CHRDL1: variants seen among roughly 807,000 people sequenced by gnomAD.
CHRDL1 encodes chordin like 1.
CHRDL1 carries 19 observed loss-of-function variants against 40.9 expected under a neutral mutation model. The ratio of observed to expected loss-of-function variants is 0.46; its 90% CI spans 0.32 to 0.68. CHRDL1 has a LOEUF of 0.68. CHRDL1 is among the 30% of genes least tolerant of loss of function. The pLI is 0.03. For synonymous variants in CHRDL1, 136 were observed against 123.4 expected (o/e 1.10, Z -0.68); for missense variants, 329 against 352.1 (o/e 0.93, Z 0.53).
intron 4 of CHRDL1, among the ~76,000 whole-genome samples, chrX:110,735,028 T>C (rs1011560421): frequency 1.1e-5 from 1 of 92,339 alleles, no homozygotes; most frequent in Admixed American, 1.0e-4. Context: ...GAGAACTAGA[T>C]TTTTTTTTGA....
intron 4 of CHRDL1, among the ~76,000 whole-genome samples, chrX:110,723,064 C>T (rs2070992323): frequency 1.8e-5 from 2 of 110,931 alleles, no homozygotes; most frequent in African/African-American, 6.6e-5. Context: ...TCCTGGCTAA[C>T]ACAGTGAAAC....
chrX:110,705,903 T>A (rs1157536326), intron 6 of CHRDL1, among the ~76,000 whole-genome samples: 2 of 110,376 alleles, frequency 1.8e-5, no homozygotes, highest in Non-Finnish European at 3.8e-5. Context: ...TTCAAAGTCA[T>A]CAAAATTGCA....
intron 6 of CHRDL1, among the ~76,000 whole-genome samples, chrX:110,704,820 C>G (rs948484571): frequency 1.9e-4 from 21 of 110,870 alleles, no homozygotes; most frequent in African/African-American, 6.6e-4. Context: ...AATGTAAAAG[C>G]TATATAATGT....
At chrX:110,775,743 T>C (rs1161627481) in intron 2 of CHRDL1, among the ~76,000 whole-genome samples, 1 of 111,453 alleles carries the variant, frequency 9.0e-6, no homozygotes, top group Non-Finnish European at 1.9e-5. Context: ...ATTGACCGTA[T>C]TTGCAATGAC....
chrX:110,783,661 G>A (rs973351302), intron 2 of CHRDL1, among the ~76,000 whole-genome samples: 1 of 111,769 alleles, frequency 8.9e-6, no homozygotes, highest in Non-Finnish European at 1.9e-5. Flanking sequence ...CAACTAACTT[G>A]TGAGATGGAC....
Position 110,674,023 on chromosome X carries a change from CT to C in CHRDL1, c.*2207del, listed in dbSNP as rs2069722227. On this transcript the variant is annotated 3_prime_UTR_variant, in exon 12 of 12. Coordinates refer to ENST00000372042, the MANE Select transcript of CHRDL1 (RefSeq NM_001143981.2). ...GTTAACTAGAAAATGGCTACAACTG[CT>C]AAATGATGCTTATGGTCTTTGTTGT... 8.9e-6 allele frequency: 1 copy of C among 112,178 alleles called. No individual in the cohort carries two copies. 9.2% of individuals were successfully genotyped at this position (112,178 alleles called of 1,213,427 possible).
At position 110,788,347 on chromosome X, in the gene CHRDL1, C is replaced by T. The variant is rs2090047861; in HGVS notation, c.94+3741G>A. Among the ~76,000 whole-genome samples, 3 of 111,975 alleles carry T rather than the reference C, an allele frequency of 2.7e-5. No homozygotes were observed. The South Asian group carries it at 1.1e-3, about 42-fold the overall frequency. On this transcript the variant is annotated intron_variant, in intron 2 of 11. Coordinates refer to ENST00000372042, the MANE Select transcript of CHRDL1 (RefSeq NM_001143981.2). The stretch of plus-strand genomic sequence containing the variant: ...CCACAAACAAAGCGTTTTTTCCACA[C>T]CTCTTCAGATTTCTGAATCAATTGA...
chrX:110,737,582 C>T (rs1474826742), intron 4 of CHRDL1, among the ~76,000 whole-genome samples: 1 of 111,977 alleles, frequency 8.9e-6, no homozygotes, highest in Non-Finnish European at 1.9e-5. Context: ...TTATTCAGAA[C>T]CTTCAATAAT....
chrX:110,758,107 ACAAAAAACAAAAAAC>A (rs2089486727), intron 4 of CHRDL1, among the ~76,000 whole-genome samples: 2 of 105,984 alleles, frequency 1.9e-5, no homozygotes, highest in Non-Finnish European at 3.9e-5. Context: ...AAAAACAAAA[ACAAAAAACAAAAAAC>A]AAAAAAACAA....
chrX:110,702,312 G>A lies in CHRDL1; in HGVS notation c.542-1591C>T, dbSNP rs761345721. Among the ~76,000 whole-genome samples the A allele has an allele frequency of 1.9e-3, 213 of 111,725 alleles. 1 individual carries two copies. Among genetic ancestry groups the A allele is most frequent in the Non-Finnish European group, 3.3e-3 (175 of 53,159 alleles). ...CTCCCACACCCCATAGCTCCCCCAT[G>A]CCTGTGAAAACCATTTAAGTTTTCT... On this transcript the variant is annotated intron_variant, in intron 6 of 11. Transcript: ENST00000372042.
intron 4 of CHRDL1, among the ~76,000 whole-genome samples, chrX:110,732,001 C>CAA (rs748997133): frequency 0.026 from 2,435 of 92,470 alleles, 86 homozygotes; most frequent in African/African-American, 0.089. Flanking sequence ...AAAGCGTTAC[C>CAA]AAAAAAAAAA....
intron 4 of CHRDL1, among the ~76,000 whole-genome samples, chrX:110,750,083 T>C (rs906336331): frequency 1.8e-5 from 2 of 111,535 alleles, no homozygotes; most frequent in Non-Finnish European, 1.9e-5. Context: ...TTTGTAACTC[T>C]TCAGGTGCCC....
chrX:110,689,524 CTATCTATATATCTCTATATCTCTATA>C, intron 8 of CHRDL1, among the ~76,000 whole-genome samples: 1 of 22,834 alleles, frequency 4.4e-5, no homozygotes, highest in Non-Finnish European at 6.6e-5. Flanking sequence ...CTCTATATAT[CTATCTATATATCTCTATATCTCTATA>C]TATCTATATA....
At chrX:110,693,175 C>A in intron 8 of CHRDL1, among the ~76,000 whole-genome samples, 1 of 94,726 alleles carries the variant, frequency 1.1e-5, no homozygotes, top group African/African-American at 3.8e-5. Flanking sequence ...GGGCAGGGGG[C>A]GGGTGGAGGC....
intron 6 of CHRDL1, among the ~76,000 whole-genome samples, chrX:110,714,797 T>A (rs1431425461): frequency 8.9e-6 from 1 of 111,888 alleles, no homozygotes; most frequent in African/African-American, 3.2e-5. Context: ...AGTCAAAAGA[T>A]TATTTCTTCT....
Position 110,674,596 on chromosome X carries a change from A to G in CHRDL1, c.*1635T>C, listed in dbSNP as rs1335330532. On this transcript the variant is annotated 3_prime_UTR_variant, in exon 12 of 12. Transcript: ENST00000372042. Reference sequence around the variant, plus strand: ...ATGTGCTGGTGAGAGTCTTGTCCCAAGAAACCCTGGCCATAAGGCCCTTGT... The same window carrying G: ...ATGTGCTGGTGAGAGTCTTGTCCCAGGAAACCCTGGCCATAAGGCCCTTGT... 8.9e-6 allele frequency: 1 copy of G among 111,961 alleles called. No individual in the cohort carries two copies. Among genetic ancestry groups the G allele is most frequent in the Non-Finnish European group, 1.9e-5 (1 of 53,178 alleles). The allele number at this position is 111,961 out of a possible 1,213,427, so 9.2% of individuals were successfully genotyped here.
At chrX:110,719,742 T>C in intron 6 of CHRDL1, 93 bp downstream of exon 6, 1 of 444,034 alleles carries the variant, frequency 2.3e-6, no homozygotes, top group Non-Finnish European at 3.8e-6. Flanking sequence ...AAAATTACCT[T>C]TCCCTAGGAC....
chrX:110,788,227 C>T (rs1482423126), intron 2 of CHRDL1, among the ~76,000 whole-genome samples: 1 of 112,131 alleles, frequency 8.9e-6, no homozygotes, highest in Non-Finnish European at 1.9e-5. Flanking sequence ...GTTTCCTGAG[C>T]CTGTCTTCTC....
rs1417182024 is a variant in CHRDL1, at chrX:110,675,961, A to T, written c.*270T>A. 1 of 231,161 alleles carries T rather than the reference A, an allele frequency of 4.3e-6. No individual in the cohort carries two copies. Among genetic ancestry groups the T allele is most frequent in the Non-Finnish European group, 7.7e-6 (1 of 129,835 alleles). The allele number at this position is 231,161 out of a possible 1,213,427, so 19.1% of individuals were successfully genotyped here. A position where few individuals can be genotyped will look rare whatever the true frequency, so the allele number is the denominator to read the frequency against. On this transcript the variant is annotated 3_prime_UTR_variant, in exon 12 of 12. Transcript: ENST00000372042. ...TGTCTTTAACCTGTAAAGAAATGTG[A>T]TTCTCCAAGAAACTAGAGCAGTGTT...
Sources: gnomAD v4.1 joint callset for allele counts (sites outside exome capture counted in the v4.1 genomes callset) on GRCh38, gnomAD v4.1.1 for gene constraint, MANE v1.5 for transcripts, NCBI Gene and HGNC (gene_info 2026-07-23, HGNC 2026-07-21) for gene names.